DLL1: variants seen among roughly 807,000 people sequenced by gnomAD.
DLL1 encodes delta-like protein 1.
In DLL1, 9 loss-of-function variants were observed where a neutral mutation model predicts 75.1. That is an observed-to-expected ratio of 0.12 (90% CI 0.07 to 0.21). The LOEUF is 0.21. Ranked by LOEUF, DLL1 falls within the 10% of genes least tolerant of loss-of-function variation. DLL1 has a pLI of 1.00. For synonymous variants in DLL1, 477 were observed against 418.3 expected, an observed-to-expected ratio of 1.14 and a Z score of -1.71; for missense variants, 837 against 1,007.6, an observed-to-expected ratio of 0.83 and a Z score of 2.29.
chr6:170,289,342 G>A (rs1481136404), intron 2 of DLL1, 170 bp downstream of exon 2: 1 of 1,134,522 alleles, frequency 8.8e-7, no homozygotes, highest in Admixed American at 2.3e-5. Context: ...CGAGGTGTCC[G>A]CGCTGCTGGG....
At position 170,288,496 on chromosome 6, in the gene DLL1, T is replaced by C; in HGVS notation, c.413A>G (p.Glu138Gly). ...HTDSPDDLAT[E>G]NPERLISRLA... ...GCGGCTGATGAGTCTTTCTGGGTTT[T>C]CTACGGGGAGAAGATGCTCCTGGTT... is the stretch of plus-strand genomic sequence containing the variant. Residue 138 changes from glutamate (E) to glycine (G), a missense_variant and splice_region_variant, in exon 4 of 11, where the codon GAA becomes GGA. This residue lies in a region of DLL1 where 304 missense variants were observed against 461.9 expected (regional missense o/e 0.66). Transcript: ENST00000366756. 1 of 1,614,114 alleles carries C rather than the reference T, an allele frequency of 6.2e-7. No homozygotes were observed. Among genetic ancestry groups the C allele is most frequent in the Non-Finnish European group, 8.5e-7 (1 of 1,180,050 alleles).
At position 170,288,328 on chromosome 6, in the gene DLL1, G is replaced by C; in HGVS notation, c.581C>G (p.Pro194Arg). The change falls in exon 4 of 11, where the codon CCC becomes CGC. Residue 194 changes from proline to arginine, a missense_variant. By Grantham distance (103) the Pro-to-Arg change is moderately radical (BLOSUM62 -2). Coordinates refer to ENST00000366756, the MANE Select transcript of DLL1 (RefSeq NM_005618.4). ...GAAGTGGCCGAAGGCATCGTCCCGG[G>C]GACGGCAGAAAACGGAGCAGCCCTC... The part of the protein sequence containing the change: ...YGEGCSVFCR[P>R]RDDAFGHFTC... 6.2e-7 allele frequency: 1 copy of C among 1,614,086 alleles called. No homozygotes were observed. The highest frequency in any genetic ancestry group is 8.5e-7 in the Non-Finnish European group (1 of 1,180,050).
chr6:170,290,042 C>G lies in DLL1; in HGVS notation c.54+44G>C. The G allele has an allele frequency of 1.3e-6, 2 of 1,553,570 alleles. No homozygotes were observed. The highest frequency in any genetic ancestry group is 1.7e-6 in the Non-Finnish European group (2 of 1,159,332). ...GCTCCTGCCCCGCGCCCCGGCTACC[C>G]GTGAGACCCCGCGGGGCCGCGGCGC... On this transcript the variant is annotated intron_variant, in intron 1 of 10. Coordinates refer to ENST00000366756, the MANE Select transcript of DLL1 (RefSeq NM_005618.4). This position sits in a 1 kb window ranked among gnomAD's most constrained non-coding sequence, Gnocchi z 4.7.
Position 170,288,246 on chromosome 6 carries a change from G to A in DLL1, c.663C>T (p.Cys221=), listed in dbSNP as rs1229272063. The change falls in exon 4 of 11, where the codon TGC becomes TGT. Residue 221 remains cysteine, a synonymous_variant. Coordinates refer to ENST00000366756, the MANE Select transcript of DLL1 (RefSeq NM_005618.4). ...VCNPGWKGPY[C]TEPICLPGCD... Reference sequence around the variant, plus strand: ...GCCTTCCCAGAGACTCACGCTCTGTGCAGTAGGGCCCTTTCCAGCCAGGGT... The same window carrying A: ...GCCTTCCCAGAGACTCACGCTCTGTACAGTAGGGCCCTTTCCAGCCAGGGT... The A allele has an allele frequency of 6.2e-7, 1 of 1,613,780 alleles. No homozygotes were observed. The highest frequency in any genetic ancestry group is 8.5e-7 in the Non-Finnish European group (1 of 1,180,060).
chr6:170,286,352 G>A (rs1394325789), intron 4 of DLL1, 54 bp from the exon 5 acceptor site: 1 of 1,606,278 alleles, frequency 6.2e-7, no homozygotes, highest in Non-Finnish European at 8.5e-7. Flanking sequence ...GTCCCAACAG[G>A]GCTGCCGCCC....
Position 170,290,217 on chromosome 6 carries a change from T to C in DLL1, c.-78A>G. 1.9e-6 allele frequency: 3 copies of C among 1,544,646 alleles called. No individual in the cohort carries two copies. Among genetic ancestry groups the C allele is most frequent in the East Asian group, 2.4e-5 (1 of 41,836 alleles). On this transcript the variant is annotated 5_prime_UTR_variant, in exon 1 of 11. Transcript: ENST00000366756. This position sits in a 1 kb window ranked among gnomAD's most constrained non-coding sequence, Gnocchi z 4.7. ...CAGCGGCGGACGCGCGGGGGATCGA[T>C]GGGCCACGGGGAGCGTGGGCAGAAA...
chr6:170,290,825 G>T lies in DLL1; in HGVS notation c.-686C>A. The T allele has an allele frequency of 1.6e-6, 1 of 618,914 alleles. No homozygotes were observed. Among genetic ancestry groups the T allele is most frequent in the Non-Finnish European group, 2.9e-6 (1 of 346,904 alleles). 38.3% of individuals were successfully genotyped at this position (618,914 alleles called of 1,614,324 possible). A position where few individuals can be genotyped will look rare whatever the true frequency, so the allele number is the denominator to read the frequency against. The stretch of plus-strand genomic sequence containing the variant: ...CATCCAGTACACACGCGCAGGACCG[G>T]AGGGGCCGGGCCGTGGGAGGAGGCT... On this transcript the variant is annotated 5_prime_UTR_variant, in exon 1 of 11. Coordinates refer to ENST00000366756, the MANE Select transcript of DLL1 (RefSeq NM_005618.4). The surrounding 1 kb of genome is among the most constrained non-coding windows in gnomAD (Gnocchi z 4.7).
chr6:170,288,559 G>T lies in DLL1; in HGVS notation c.413-63C>A, dbSNP rs1240201939. The T allele has an allele frequency of 1.9e-6, 3 of 1,613,816 alleles. No individual in the cohort carries two copies. The African/African-American group carries it at 4.0e-5, about 22-fold the overall frequency. The stretch of plus-strand genomic sequence containing the variant: ...GAACCCTGTGACTCGGGACAGAGCG[G>T]GGGTGGGCCGAGACATTCAGCACGG... On this transcript the variant is annotated intron_variant, in intron 3 of 10. Transcript: ENST00000366756.
Position 170,290,225 on chromosome 6 carries a change from G to T in DLL1, c.-86C>A. On this transcript the variant is annotated 5_prime_UTR_variant, in exon 1 of 11. Coordinates refer to ENST00000366756, the MANE Select transcript of DLL1 (RefSeq NM_005618.4). The surrounding 1 kb of genome is among the most constrained non-coding windows in gnomAD (Gnocchi z 4.7). ...GACGCGCGGGGGATCGATGGGCCAC[G>T]GGGAGCGTGGGCAGAAAAGCGCCCT... 1 of 1,514,622 alleles carries T rather than the reference G, an allele frequency of 6.6e-7. No individual in the cohort carries two copies. The highest frequency in any genetic ancestry group is 2.4e-5 in the East Asian group (1 of 40,998). 93.8% of individuals were successfully genotyped at this position (1,514,622 alleles called of 1,614,324 possible).
chr6:170,290,027 C>G lies in DLL1; in HGVS notation c.54+59G>C. ...CGCCCCTCCCCGCGCGCTCCTGCCC[C>G]GCGCCCCGGCTACCCGTGAGACCCC... On this transcript the variant is annotated intron_variant, in intron 1 of 10. Coordinates refer to ENST00000366756, the MANE Select transcript of DLL1 (RefSeq NM_005618.4). This position sits in a 1 kb window ranked among gnomAD's most constrained non-coding sequence, Gnocchi z 4.7. 1.3e-6 allele frequency: 2 copies of G among 1,514,070 alleles called. No individual in the cohort carries two copies. Among genetic ancestry groups the G allele is most frequent in the Non-Finnish European group, 1.8e-6 (2 of 1,139,604 alleles). The allele number at this position is 1,514,070 out of a possible 1,614,324, so 93.8% of individuals were successfully genotyped here.
In DLL1 at chr6:170,288,301, G is replaced by T; in HGVS notation, c.608C>A (p.Thr203Asn). The change falls in exon 4 of 11, where the codon ACC (threonine) becomes AAC (asparagine). Residue 203 changes from threonine to asparagine, a missense_variant. Thr to Asn is a moderately conservative substitution (Grantham distance 65, BLOSUM62 0). This residue lies in a region of DLL1 where 304 missense variants were observed against 461.9 expected (regional missense o/e 0.66). Transcript: ENST00000366756. The stretch of plus-strand genomic sequence containing the variant: ...CACTTTCTCCCCACGCTCCCCACAG[G>T]TGAAGTGGCCGAAGGCATCGTCCCG... ...RPRDDAFGHF[T>N]CGERGEKVCN... The T allele has an allele frequency of 6.2e-7, 1 of 1,614,068 alleles. No homozygotes were observed. The highest frequency in any genetic ancestry group is 1.3e-5 in the African/African-American group (1 of 75,078).
chr6:170,288,118 TC>T, intron 4 of DLL1, 120 bp downstream of exon 4: 2 of 1,475,858 alleles, frequency 1.4e-6, no homozygotes, highest in Non-Finnish European at 1.8e-6. Context: ...CCTCTGGGCC[TC>T]AGTTTCCCCA....
In DLL1 at chr6:170,289,825, G is replaced by C. The variant is rs753649778; in HGVS notation, c.55-17C>G. 5 of 1,550,594 alleles carry C rather than the reference G, an allele frequency of 3.2e-6. No homozygotes were observed. The South Asian group carries it at 5.9e-5, about 18-fold the overall frequency. On this transcript the variant is annotated splice_polypyrimidine_tract_variant and intron_variant, in intron 1 of 10. Transcript: ENST00000366756. The stretch of plus-strand genomic sequence containing the variant: ...GCTCCAGACCTGCACGGGGGAGGGC[G>C]GGGGCGTGAGGACGCGGGTCCCGCC...
Position 170,289,692 on chromosome 6 carries a change from C to T in DLL1, c.171G>A (p.Arg57=), listed in dbSNP as rs1054644956. The T allele has an allele frequency of 1.5e-4, 235 of 1,547,040 alleles. No individual in the cohort carries two copies. The highest frequency in any genetic ancestry group is 1.8e-4 in the Non-Finnish European group (212 of 1,146,506). The change falls in exon 2 of 11, where the codon CGG becomes CGA. Residue 57 remains arginine (R), a synonymous_variant. Coordinates refer to ENST00000366756, the MANE Select transcript of DLL1 (RefSeq NM_005618.4). ...GCTTGAGGCACACGCGGAAGAAGGT[C>T]CGGCAGGCGCACGGCGGTGGCCCCG... ...GGAGPPPCAC[R]TFFRVCLKHY...
chr6:170,285,013 G>T lies in DLL1; in HGVS notation c.1155C>A (p.Pro385=). ...CFNGGRCSDS[P]DGGYSCRCPV... ...GGCAGCGGCAGCTGTACCCTCCATC[G>T]GGGCTGTCTGAGCACCGACCCCCGT... The change falls in exon 8 of 11, where the codon CCC becomes CCA. Residue 385 remains proline (P), a synonymous_variant. Coordinates refer to ENST00000366756, the MANE Select transcript of DLL1 (RefSeq NM_005618.4). 6.2e-7 allele frequency: 1 copy of T among 1,614,088 alleles called. No homozygotes were observed. Among genetic ancestry groups the T allele is most frequent in the Non-Finnish European group, 8.5e-7 (1 of 1,180,038 alleles).
chr6:170,290,260 C>A lies in DLL1; in HGVS notation c.-121G>T. On this transcript the variant is annotated 5_prime_UTR_variant, in exon 1 of 11. Transcript: ENST00000366756. This position sits in a 1 kb window ranked among gnomAD's most constrained non-coding sequence, Gnocchi z 4.7. Reference sequence around the variant, plus strand: ...GGCAGAAAAGCGCCCTTGCCTCGCCCCAGACCGCAGGACCCAGGACTTCTT... The same window carrying A: ...GGCAGAAAAGCGCCCTTGCCTCGCCACAGACCGCAGGACCCAGGACTTCTT... 1.7e-6 allele frequency: 2 copies of A among 1,197,862 alleles called. No homozygotes were observed. The highest frequency in any genetic ancestry group is 5.6e-5 in the East Asian group (2 of 35,438). The allele number at this position is 1,197,862 out of a possible 1,614,324, so 74.2% of individuals were successfully genotyped here. A position where few individuals can be genotyped will look rare whatever the true frequency, so the allele number is the denominator to read the frequency against.
At chr6:170,289,337 T>C (rs1161711664) in intron 2 of DLL1, 175 bp downstream of exon 2, 1 of 1,075,764 alleles carries the variant, frequency 9.3e-7, no homozygotes, top group African/African-American at 1.6e-5. Context: ...CGGGGCGAGG[T>C]GTCCGCGCTG....
At chr6:170,289,946 C>A (rs2114967179) in intron 1 of DLL1, 138 bp from the exon 2 acceptor site, 2 of 1,316,734 alleles carry the variant, frequency 1.5e-6, no homozygotes, top group South Asian at 3.5e-5. Flanking sequence ...GCGCTGGGGT[C>A]GTCGCCCCCG....
chr6:170,286,807 AC>A (rs1783706674), intron 4 of DLL1, among the ~76,000 whole-genome samples: 1 of 149,402 alleles, frequency 6.7e-6, no homozygotes, highest in Admixed American at 6.6e-5. Context: ...GCGTGTACAC[AC>A]ACACACACAC....
Sources: allele counts gnomAD v4.1 joint callset (sites outside exome capture counted in the v4.1 genomes callset), GRCh38; gene constraint gnomAD v4.1.1; regional missense constraint gnomAD v4.1.1; non-coding constraint Gnocchi (gnomAD v3.1); transcripts MANE v1.5; gene names NCBI Gene and HGNC (gene_info 2026-07-23, HGNC 2026-07-21).